Variants in MDGA2 observed in about 807,000 individuals in gnomAD.
MDGA2 encodes MAM domain containing glycosylphosphatidylinositol anchor 2.
Under a neutral mutation model 117.8 loss-of-function variants are expected in MDGA2, and 40 were observed. The ratio of observed to expected loss-of-function variants is 0.34; its 90% CI spans 0.26 to 0.44. MDGA2 has a LOEUF of 0.44. MDGA2 is among the 20% of genes least tolerant of loss of function. MDGA2 has a pLI of 1.00. For missense variants in MDGA2, 1,123 were observed against 1,250.6 expected (o/e 0.90, Z 1.54); for synonymous variants, 452 against 439.0 (o/e 1.03, Z -0.37).
intron 1 of MDGA2, among the ~76,000 whole-genome samples, chr14:47,580,913 C>G (rs566472396): frequency 5.3e-5 from 8 of 152,066 alleles, no homozygotes; most frequent in Admixed American, 2.0e-4. Flanking sequence ...AGTTGGCTGG[C>G]TTACCAGATT....
intron 9 of MDGA2, 140 bp downstream of exon 9, chr14:46,957,234 G>A: frequency 1.3e-6 from 1 of 793,018 alleles, no homozygotes; most frequent in South Asian, 2.1e-5. Flanking sequence ...AAATAAATTT[G>A]TAGAAACTCT....
intron 1 of MDGA2, among the ~76,000 whole-genome samples, chr14:47,328,809 T>G (rs1890214510): frequency 6.6e-6 from 1 of 152,106 alleles, no homozygotes; most frequent in South Asian, 2.1e-4. Flanking sequence ...ATATAAGTTG[T>G]GGATTCTTTT....
chr14:47,234,851 T>C (rs1886808062), intron 2 of MDGA2, among the ~76,000 whole-genome samples: 1 of 152,156 alleles, frequency 6.6e-6, no homozygotes. Context: ...TCCCTAATAT[T>C]CTCTGATGGA....
chr14:47,331,763 T>C (rs964080223), intron 1 of MDGA2, among the ~76,000 whole-genome samples: 6 of 151,964 alleles, frequency 3.9e-5, no homozygotes, highest in African/African-American at 1.4e-4. Flanking sequence ...TTGCACTCAC[T>C]TATTAGTTTA....
chr14:46,865,708 T>G (rs1174979071), intron 14 of MDGA2, among the ~76,000 whole-genome samples: 4 of 152,026 alleles, frequency 2.6e-5, no homozygotes, highest in African/African-American at 9.7e-5. Context: ...GGATACAAAA[T>G]CGATGTACAA....
At chr14:47,358,507 G>C (rs945940703) in intron 1 of MDGA2, among the ~76,000 whole-genome samples, 2 of 152,012 alleles carry the variant, frequency 1.3e-5, no homozygotes, top group Non-Finnish European at 2.9e-5. Context: ...TATTCAAATC[G>C]GAAAATAAGT....
In MDGA2 at chr14:47,444,408, C is replaced by T. The variant is rs539289388; in HGVS notation, c.281-142858G>A. The T allele has an allele frequency of 9.6e-5, 18 of 188,122 alleles. No individual in the cohort carries two copies. In the South Asian group the frequency reaches 1.2e-3, roughly 12 times the overall value. The allele number at this position is 188,122 out of a possible 1,614,324, so 11.7% of individuals were successfully genotyped here. A position where few individuals can be genotyped will look rare whatever the true frequency, so the allele number is the denominator to read the frequency against. On this transcript the variant is annotated intron_variant, in intron 1 of 16. Coordinates refer to ENST00000399232, the MANE Select transcript of MDGA2 (RefSeq NM_001113498.3). ...GAAACCAGATGATGGCTCTGGAGCACGGCCCCATAAGAACCTGATGTTTGC... is the reference window on the plus strand; with the variant it reads ...GAAACCAGATGATGGCTCTGGAGCATGGCCCCATAAGAACCTGATGTTTGC...
At chr14:47,053,611 A>G (rs915435514) in intron 7 of MDGA2, among the ~76,000 whole-genome samples, 1,711 of 15,930 alleles carry the variant, frequency 0.11, 18 homozygotes, top group East Asian at 0.38. Flanking sequence ...GTATATATAT[A>G]TATATATATA....
chr14:47,042,454 A>G (rs977897419), intron 7 of MDGA2, among the ~76,000 whole-genome samples: 17 of 151,978 alleles, frequency 1.1e-4, no homozygotes, highest in Admixed American at 5.3e-4. Context: ...CTCCAAGGTA[A>G]GCAACATCTT....
Position 47,579,750 on chromosome 14 carries a change from G to C in MDGA2, c.280+94767C>G, listed in dbSNP as rs188216378. On this transcript the variant is annotated intron_variant, in intron 1 of 16. Transcript: ENST00000399232. ...CATGATACATCAATCTTTACAGAAA[G>C]TTAGGATTGCTCTCAAAAGACACTA... Among the ~76,000 whole-genome samples the C allele has an allele frequency of 3.9e-4, 60 of 152,188 alleles. 1 individual carries two copies. The East Asian group carries it at 0.01, about 26-fold the overall frequency.
At chr14:47,150,200 G>A (rs1236110177) in intron 3 of MDGA2, among the ~76,000 whole-genome samples, 1 of 152,188 alleles carries the variant, frequency 6.6e-6, no homozygotes, top group Non-Finnish European at 1.5e-5. Flanking sequence ...CAAGGTTGTG[G>A]AGTCCATAAA....
intron 8 of MDGA2, among the ~76,000 whole-genome samples, chr14:46,961,174 G>C (rs1049310771): frequency 6.6e-6 from 1 of 151,748 alleles, no homozygotes; most frequent in Non-Finnish European, 1.5e-5. Context: ...TTCAATATAC[G>C]GTTCCTAGTG....
At chr14:47,052,579 T>G (rs544329591) in intron 7 of MDGA2, among the ~76,000 whole-genome samples, 1 of 151,884 alleles carries the variant, frequency 6.6e-6, no homozygotes, top group Non-Finnish European at 1.5e-5. Context: ...TTACAGGAAA[T>G]AATAGAATAC....
chr14:46,990,345 TTAAA>T (rs1887039966), intron 8 of MDGA2, among the ~76,000 whole-genome samples: 1 of 152,076 alleles, frequency 6.6e-6, no homozygotes, highest in Non-Finnish European at 1.5e-5. Context: ...TTAGTATTTC[TTAAA>T]TAAATTACTA....
At chr14:47,093,315 T>C (rs1268799574) in intron 6 of MDGA2, among the ~76,000 whole-genome samples, 2 of 152,160 alleles carry the variant, frequency 1.3e-5, no homozygotes, top group African/African-American at 4.8e-5. Flanking sequence ...GAGGCCACTA[T>C]ACACTAAAAT....
chr14:47,299,299 G>C (rs1464390012), intron 2 of MDGA2: 2 of 152,162 alleles, frequency 1.3e-5, no homozygotes, highest in South Asian at 2.1e-4. Context: ...GATGGAGAGA[G>C]AGGCAGCAGA....
At chr14:47,074,367 G>A (rs552292238) in intron 6 of MDGA2, among the ~76,000 whole-genome samples, 6 of 151,310 alleles carry the variant, frequency 4.0e-5, no homozygotes, top group Admixed American at 2.0e-4. Flanking sequence ...GTGCGGTGGC[G>A]CGATCTCGGC....
chr14:46,907,414 T>C (rs1458099687), intron 10 of MDGA2, among the ~76,000 whole-genome samples: 1 of 152,186 alleles, frequency 6.6e-6, no homozygotes, highest in Non-Finnish European at 1.5e-5. Flanking sequence ...AATTCTCTCC[T>C]GTTGACCTCT....
chr14:47,021,043 G>A (rs561788405), intron 8 of MDGA2, among the ~76,000 whole-genome samples: 163 of 152,144 alleles, frequency 1.1e-3, no homozygotes, highest in African/African-American at 3.7e-3. Context: ...CTTCTTTACA[G>A]ATAAGCTGCA....
Sources: allele counts gnomAD v4.1 joint callset (sites outside exome capture counted in the v4.1 genomes callset), GRCh38; gene constraint gnomAD v4.1.1; transcripts MANE v1.5; gene names NCBI Gene and HGNC (gene_info 2026-07-23, HGNC 2026-07-21).